The following UBE2O variants were observed in gnomAD, a reference collection of about 807,000 sequenced individuals.
The protein encoded by UBE2O is (E3-independent) E2 ubiquitin-conjugating enzyme.
Under a neutral mutation model 125.8 loss-of-function variants are expected in UBE2O, and 15 were observed. The observed-to-expected ratio is 0.12, with a 90% CI of 0.08 to 0.18. The LOEUF (loss-of-function observed/expected upper bound fraction) is 0.18, where lower values mean the gene tolerates loss of function less well. UBE2O is among the 10% of genes least tolerant of loss of function. The pLI, the probability that UBE2O is intolerant of heterozygous loss-of-function variation, is 1.00. For synonymous variants in UBE2O, 708 were observed against 703.2 expected (o/e 1.01, Z -0.11); for missense variants, 1,280 against 1,723.6 (o/e 0.74, Z 4.56).
rs529278492 is a variant in UBE2O at position 76,404,935 on chromosome 17, T to C, written c.588+271A>G. Among the ~76,000 whole-genome samples the C allele has an allele frequency of 6.6e-6, 1 of 151,836 alleles. No homozygotes were observed. The highest frequency in any genetic ancestry group is 2.4e-5 in the African/African-American group (1 of 41,372). On this transcript the variant is annotated intron_variant, in intron 3 of 17. Coordinates refer to ENST00000319380, the MANE Select transcript of UBE2O (RefSeq NM_022066.4). This position sits in a 1 kb window ranked among gnomAD's most constrained non-coding sequence, Gnocchi z 4.3. ...CCAATAATTTATTTTTTTAAAGAAA[T>C]GTTAGAGGAGAAAGGAAAAACACTT... is the stretch of plus-strand genomic sequence containing the variant.
Position 76,395,443 on chromosome 17 carries a change from C to T in UBE2O, c.2946+282G>A, listed in dbSNP as rs888500263. 3.2e-5 allele frequency: 9 copies of T among 277,980 alleles called. No individual in the cohort carries two copies. The highest frequency in any genetic ancestry group is 2.0e-4 in the Admixed American group (4 of 19,940). 17.2% of individuals were successfully genotyped at this position (277,980 alleles called of 1,614,324 possible). A position where few individuals can be genotyped will look rare whatever the true frequency, so the allele number is the denominator to read the frequency against. On this transcript the variant is annotated intron_variant, in intron 15 of 17. Coordinates refer to ENST00000319380, the MANE Select transcript of UBE2O (RefSeq NM_022066.4). This position sits in a 1 kb window ranked among gnomAD's most constrained non-coding sequence, Gnocchi z 5.0. ...TCCTGACCTCGTGATCCACCCACCTCGGCCTCCCAAAGTGCTGGGATTACG... is the reference window on the plus strand; with the variant it reads ...TCCTGACCTCGTGATCCACCCACCTTGGCCTCCCAAAGTGCTGGGATTACG...
intron 1 of UBE2O, chr17:76,430,834 G>A: frequency 2.8e-6 from 1 of 358,318 alleles, no homozygotes; most frequent in Non-Finnish European, 5.5e-6. Context: ...TCACACCACT[G>A]ATACCTCTGA....
rs1037834006 is a variant in UBE2O, at chr17:76,410,257, C to T, written c.418-4685G>A. Among the ~76,000 whole-genome samples the T allele has an allele frequency of 1.3e-5, 2 of 152,060 alleles. No individual in the cohort carries two copies. Among genetic ancestry groups the T allele is most frequent in the African/African-American group, 4.8e-5 (2 of 41,408 alleles). ...CATTACCTGATTTTTGGGCAGGGAACGTGCTGAGAGAGGGAGCACGGAGGC... is the reference window on the plus strand; with the variant it reads ...CATTACCTGATTTTTGGGCAGGGAATGTGCTGAGAGAGGGAGCACGGAGGC... On this transcript the variant is annotated intron_variant, in intron 1 of 17. Transcript: ENST00000319380. This position sits in a 1 kb window ranked among gnomAD's most constrained non-coding sequence, Gnocchi z 4.0.
chr17:76,430,683 G>A (rs565789108), intron 1 of UBE2O: 152 of 293,590 alleles, frequency 5.2e-4, no homozygotes, highest in South Asian at 4.2e-3. Context: ...TTTATTTACT[G>A]ATTTCAGATT....
Position 76,400,053 on chromosome 17 carries a change from C to T in UBE2O, c.1155+94G>A. On this transcript the variant is annotated intron_variant, in intron 8 of 17. Transcript: ENST00000319380. The surrounding 1 kb of genome is among the most constrained non-coding windows in gnomAD (Gnocchi z 4.3). ...GGCAAGGGTCATCAGGGCTGCCCCC[C>T]AAGGCCTAAAGCACAGACTGTCCTT... 6.5e-7 allele frequency: 1 copy of T among 1,542,480 alleles called. No homozygotes were observed. Among genetic ancestry groups the T allele is most frequent in the South Asian group, 1.3e-5 (1 of 79,904 alleles).
chr17:76,423,738 C>G (rs1392415362), intron 1 of UBE2O, among the ~76,000 whole-genome samples: 1 of 104,328 alleles, frequency 9.6e-6, no homozygotes, highest in Non-Finnish European at 2.1e-5. Flanking sequence ...AAAATAAGGT[C>G]AGGCAGGAAG....
Position 76,402,055 on chromosome 17 carries a change from G to A in UBE2O, c.750+9C>T. The A allele has an allele frequency of 1.2e-6, 2 of 1,613,378 alleles. No individual in the cohort carries two copies. The highest frequency in any genetic ancestry group is 1.7e-6 in the Non-Finnish European group (2 of 1,179,854). On this transcript the variant is annotated intron_variant, in intron 5 of 17. Coordinates refer to ENST00000319380, the MANE Select transcript of UBE2O (RefSeq NM_022066.4). This position sits in a 1 kb window ranked among gnomAD's most constrained non-coding sequence, Gnocchi z 5.4. ...AGAGAAGGGTGCTGGCCTGGATGGA[G>A]CACACTACCGAGTCGCTGACGTGCG...
intron 15 of UBE2O, among the ~76,000 whole-genome samples, chr17:76,394,696 A>G (rs368135488): frequency 1.3e-5 from 2 of 152,200 alleles, no homozygotes; most frequent in African/African-American, 4.8e-5. Context: ...AAGGAGACCC[A>G]CTAAACTTCC....
At chr17:76,443,110 A>G (rs1164578211) in intron 1 of UBE2O, among the ~76,000 whole-genome samples, 1 of 152,152 alleles carries the variant, frequency 6.6e-6, no homozygotes, top group Non-Finnish European at 1.5e-5. Flanking sequence ...AGGAGGAAAT[A>G]TATTTACATA....
intron 1 of UBE2O, among the ~76,000 whole-genome samples, chr17:76,413,177 T>G (rs2072545331): frequency 6.6e-6 from 1 of 152,188 alleles, no homozygotes; most frequent in African/African-American, 2.4e-5. Flanking sequence ...ACATATGGTC[T>G]TTAAAGATTT....
rs1159858942 is a variant in UBE2O at position 76,390,825 on chromosome 17, G to A, written c.*118C>T. 9.9e-7 allele frequency: 1 copy of A among 1,011,340 alleles called. No homozygotes were observed. Among genetic ancestry groups the A allele is most frequent in the Non-Finnish European group, 1.4e-6 (1 of 694,518 alleles). 62.6% of individuals were successfully genotyped at this position (1,011,340 alleles called of 1,614,324 possible). A position where few individuals can be genotyped will look rare whatever the true frequency, so the allele number is the denominator to read the frequency against. On this transcript the variant is annotated 3_prime_UTR_variant, in exon 18 of 18. Coordinates refer to ENST00000319380, the MANE Select transcript of UBE2O (RefSeq NM_022066.4). ...CATCAAACTCACCTTGGGGAGAAGA[G>A]GGCAGTGGGTTTGCAGTGGGGACAG...
chr17:76,405,145 T>G lies in UBE2O; in HGVS notation c.588+61A>C. 1 of 1,300,020 alleles carries G rather than the reference T, an allele frequency of 7.7e-7. No individual in the cohort carries two copies. 80.5% of individuals were successfully genotyped at this position (1,300,020 alleles called of 1,614,324 possible). On this transcript the variant is annotated intron_variant, in intron 3 of 17. Transcript: ENST00000319380. This position sits in a 1 kb window ranked among gnomAD's most constrained non-coding sequence, Gnocchi z 6.1. Reference sequence around the variant, plus strand: ...CACGGAGGAGGCTGTAGCCCAGAGGTCGTGCCGCCGAGAGAACCAGAGGGC... The same window carrying G: ...CACGGAGGAGGCTGTAGCCCAGAGGGCGTGCCGCCGAGAGAACCAGAGGGC...
Position 76,452,586 on chromosome 17 carries a change from C to T in UBE2O, c.417+139G>A. ...TGCAATGACTTTGCATGGAGTGTAC[C>T]CTCCACTGGGGCTGTCCTCCCGCGT... On this transcript the variant is annotated intron_variant, in intron 1 of 17. Transcript: ENST00000319380. The surrounding 1 kb of genome is among the most constrained non-coding windows in gnomAD (Gnocchi z 4.4). 1.3e-6 allele frequency: 1 copy of T among 763,042 alleles called. No homozygotes were observed. The highest frequency in any genetic ancestry group is 3.7e-5 in the South Asian group (1 of 27,236). The allele number at this position is 763,042 out of a possible 1,614,324, so 47.3% of individuals were successfully genotyped here.
Position 76,398,955 on chromosome 17 carries a change from G to A in UBE2O, c.1665C>T (p.Ala555=), listed in dbSNP as rs139697578. The A allele has an allele frequency of 3.7e-5, 59 of 1,613,982 alleles. 1 individual carries two copies. The African/African-American group carries it at 3.7e-4, about 10-fold the overall frequency. ...AVEVVTTMTS[A]DVMWQDGSVE... ...CGGAGCCATCCTGCCACATCACGTC[G>A]GCTGAGGTCATCGTGGTCACCACCT... Residue 555 remains alanine (A), a synonymous_variant, in exon 10 of 18, where the codon GCC becomes GCT. Coordinates refer to ENST00000319380, the MANE Select transcript of UBE2O (RefSeq NM_022066.4). The surrounding 1 kb of genome is among the most constrained non-coding windows in gnomAD (Gnocchi z 5.4).
chr17:76,407,366 G>T (rs757253368), intron 1 of UBE2O, among the ~76,000 whole-genome samples: 9 of 152,186 alleles, frequency 5.9e-5, no homozygotes, highest in Non-Finnish European at 1.2e-4. Flanking sequence ...AACCCTCTGT[G>T]CCCAAATCTC....
chr17:76,407,173 G>A (rs1044277074), intron 1 of UBE2O, among the ~76,000 whole-genome samples: 3 of 152,308 alleles, frequency 2.0e-5, no homozygotes, highest in Admixed American at 1.3e-4. Context: ...GGCACATGGT[G>A]CACGGTACAG....
At chr17:76,445,391 T>G (rs1297740337) in intron 1 of UBE2O, among the ~76,000 whole-genome samples, 1 of 152,194 alleles carries the variant, frequency 6.6e-6, no homozygotes, top group African/African-American at 2.4e-5. Context: ...AATATTGCTG[T>G]GGCCTCTCTA....
intron 1 of UBE2O, among the ~76,000 whole-genome samples, chr17:76,444,762 T>C (rs1200041761): frequency 6.6e-6 from 1 of 152,212 alleles, no homozygotes; most frequent in Non-Finnish European, 1.5e-5. Context: ...AGAGAAATGC[T>C]TTCTTCCTTG....
intron 1 of UBE2O, among the ~76,000 whole-genome samples, chr17:76,446,855 C>A (rs1163103520): frequency 6.6e-6 from 1 of 152,218 alleles, no homozygotes; most frequent in Non-Finnish European, 1.5e-5. Flanking sequence ...GAGGTTGCTT[C>A]ATTCAACATT....
Sources: gnomAD v4.1 joint callset for allele counts (sites outside exome capture counted in the v4.1 genomes callset) on GRCh38, gnomAD v4.1.1 for gene constraint, Gnocchi (gnomAD v3.1) non-coding constraint, MANE v1.5 for transcripts, NCBI Gene and HGNC (gene_info 2026-07-23, HGNC 2026-07-21) for gene names.